The following CD8B2 variants were observed in gnomAD, a reference collection of about 807,000 sequenced individuals.
CD8B2 encodes the protein T-cell surface glycoprotein CD8 beta-2 chain.
CD8B2 carries 11 observed loss-of-function variants against 23.7 expected under a neutral mutation model. The observed-to-expected ratio is 0.46, with a 90% CI of 0.29 to 0.77. The LOEUF is 0.77. Ranked by LOEUF, CD8B2 falls within the 30% of genes least tolerant of loss-of-function variation. The probability of loss-of-function intolerance (pLI) is 0.09; values close to 1 mark genes in which losing one functional copy is unlikely to be tolerated. For missense variants in CD8B2, 197 were observed against 270.5 expected (o/e 0.73, Z 1.91); for synonymous variants, 90 against 109.3 (o/e 0.82, Z 1.10).
intron 4 of CD8B2, 37 bp from the exon 5 acceptor site, chr2:106,504,252 G>A: frequency 6.4e-7 from 1 of 1,554,520 alleles, no homozygotes; most frequent in Non-Finnish European, 8.7e-7. Context: ...GTGACCCACA[G>A]CCCACACTGA....
intron 5 of CD8B2, among the ~76,000 whole-genome samples, chr2:106,533,355 C>G (rs999802061): frequency 6.6e-6 from 1 of 152,176 alleles, no homozygotes; most frequent in Non-Finnish European, 1.5e-5. Context: ...GGGAGCAGAC[C>G]AGGATTTAAA....
chr2:106,534,432 C>A (rs184656038), intron 5 of CD8B2, among the ~76,000 whole-genome samples: 12 of 152,278 alleles, frequency 7.9e-5, no homozygotes, highest in African/African-American at 2.4e-4. Context: ...ACAACAATAA[C>A]AAATTGCTTC....
intron 3 of CD8B2, among the ~76,000 whole-genome samples, chr2:106,496,750 G>A (rs1313834889): frequency 6.6e-6 from 1 of 151,794 alleles, no homozygotes; most frequent in Non-Finnish European, 1.5e-5. Context: ...TGCTGCCTAA[G>A]GCTGGGGGCT....
chr2:106,501,945 T>A (rs1679416296), intron 3 of CD8B2, among the ~76,000 whole-genome samples: 1 of 152,206 alleles, frequency 6.6e-6, no homozygotes, highest in Non-Finnish European at 1.5e-5. Context: ...AAAATTTGAA[T>A]GTGGGACATG....
At chr2:106,490,815 G>A (rs186329512) in intron 1 of CD8B2, 59 bp from the exon 2 acceptor site, 17 of 1,538,728 alleles carry the variant, frequency 1.1e-5, no homozygotes, top group South Asian at 2.6e-5. Flanking sequence ...GTGTGACTGC[G>A]AGGTCCCACA....
At chr2:106,495,633 C>T (rs1395663191) in intron 2 of CD8B2, among the ~76,000 whole-genome samples, 1 of 152,202 alleles carries the variant, frequency 6.6e-6, no homozygotes, top group East Asian at 1.9e-4. Context: ...CTCTCCAGGA[C>T]ACAAAGCTGA....
At chr2:106,541,452 T>C (rs1680172642) in intron 5 of CD8B2, among the ~76,000 whole-genome samples, 3 of 152,268 alleles carry the variant, frequency 2.0e-5, no homozygotes, top group Middle Eastern at 3.4e-3. Flanking sequence ...CTGTCAGAAC[T>C]TGGGAAGGGG....
chr2:106,541,550 G>C (rs140730552), intron 5 of CD8B2, among the ~76,000 whole-genome samples: 144 of 152,266 alleles, frequency 9.5e-4, no homozygotes, highest in African/African-American at 3.3e-3. Flanking sequence ...GGCCCAAAAC[G>C]TCAAAGGTAT....
intron 5 of CD8B2, among the ~76,000 whole-genome samples, chr2:106,542,102 C>G (rs1680183383): frequency 6.6e-6 from 1 of 152,254 alleles, no homozygotes; most frequent in African/African-American, 2.4e-5. Context: ...TTTAACTGGT[C>G]AATTCTTACT....
At chr2:106,533,236 G>T (rs921386639) in intron 5 of CD8B2, among the ~76,000 whole-genome samples, 5 of 152,154 alleles carry the variant, frequency 3.3e-5, no homozygotes, top group Admixed American at 3.3e-4. Context: ...GATGGATAGG[G>T]CTCAGGTCAT....
At chr2:106,543,879 G>T (rs1680213193) in intron 5 of CD8B2, 1 of 249,426 alleles carries the variant, frequency 4.0e-6, no homozygotes, top group South Asian at 4.1e-4. Flanking sequence ...AACTTGGATG[G>T]ATTTCTGTGG....
In CD8B2 at chr2:106,528,835, G is replaced by A. The variant is rs1235760038; in HGVS notation, c.621-15157G>A. Among the ~76,000 whole-genome samples the A allele has an allele frequency of 2.6e-5, 4 of 152,206 alleles. No homozygotes were observed. In the East Asian group the frequency reaches 5.8e-4, roughly 22 times the overall value. ...TTCATTTAGGTTCCACCAATAAAGT[G>A]CATTTGTGTAAGACTTTGGTTCGGA... is the stretch of plus-strand genomic sequence containing the variant. On this transcript the variant is annotated intron_variant, in intron 5 of 5. Transcript: ENST00000416057.
chr2:106,524,969 C>T (rs1679888506), intron 5 of CD8B2, among the ~76,000 whole-genome samples: 1 of 152,200 alleles, frequency 6.6e-6, no homozygotes, highest in Non-Finnish European at 1.5e-5. Context: ...CAGCCAGTCT[C>T]CAGCAGTCTG....
chr2:106,524,602 C>T (rs1206834619), intron 5 of CD8B2, among the ~76,000 whole-genome samples: 1 of 152,132 alleles, frequency 6.6e-6, no homozygotes, highest in Non-Finnish European at 1.5e-5. Flanking sequence ...GCTCCGAGGA[C>T]CATAGTTGGA....
intron 5 of CD8B2, among the ~76,000 whole-genome samples, chr2:106,527,832 G>A (rs1339916017): frequency 5.4e-5 from 6 of 111,274 alleles, no homozygotes; most frequent in African/African-American, 1.0e-4. Context: ...CAAACAAAAA[G>A]ACAGCCCAGG....
At chr2:106,500,554 A>AAATT (rs1679386662) in intron 3 of CD8B2, among the ~76,000 whole-genome samples, 2 of 151,078 alleles carry the variant, frequency 1.3e-5, no homozygotes, top group Non-Finnish European at 3.0e-5. Flanking sequence ...ATAAATAAAT[A>AAATT]AATAAATAAT....
chr2:106,509,452 G>A lies in CD8B2; in HGVS notation c.*2512G>A, dbSNP rs778529629. On this transcript the variant is annotated 3_prime_UTR_variant, in exon 6 of 6. Coordinates refer to ENST00000643224, the MANE Select transcript of CD8B2 (RefSeq NM_001349727.2). ...GAAGGCTCACACCCAGTGCACAGCG[G>A]AAGTAAGAACAGGCCACAAGGCCCC... 23 of 152,306 alleles carry A rather than the reference G, an allele frequency of 1.5e-4. No individual in the cohort carries two copies. The highest frequency in any genetic ancestry group is 2.2e-4 in the African/African-American group (9 of 41,472). 9.4% of individuals were successfully genotyped at this position (152,306 alleles called of 1,614,324 possible).
At chr2:106,500,560 A>AAT (rs1553466761) in intron 3 of CD8B2, among the ~76,000 whole-genome samples, 330 of 119,066 alleles carry the variant, frequency 2.8e-3, no homozygotes, top group Non-Finnish European at 4.7e-3. Flanking sequence ...AAATAAATAA[A>AAT]TAATTAAAAA....
chr2:106,518,398 G>A (rs989100229), intron 5 of CD8B2, among the ~76,000 whole-genome samples: 6 of 152,242 alleles, frequency 3.9e-5, no homozygotes, highest in African/African-American at 9.6e-5. Context: ...CAATAGCTCA[G>A]CAATATTAAT....
Sources: gnomAD v4.1 joint callset for allele counts (sites outside exome capture counted in the v4.1 genomes callset) on GRCh38, gnomAD v4.1.1 for gene constraint, MANE v1.5 for transcripts, NCBI Gene and HGNC (gene_info 2026-07-23, HGNC 2026-07-21) for gene names.